Variants in MKLN1 observed in about 807,000 individuals in gnomAD.
MKLN1 encodes muskelin.
Under a neutral mutation model 99.0 loss-of-function variants are expected in MKLN1, and 18 were observed. That is an observed-to-expected ratio of 0.18 (90% CI 0.13 to 0.27). The LOEUF (loss-of-function observed/expected upper bound fraction) is 0.27, where lower values mean the gene tolerates loss of function less well. Among genes scored for constraint, MKLN1 ranks in the 10% least tolerant of loss-of-function variants. The probability of loss-of-function intolerance (pLI) is 1.00; values close to 1 mark genes in which losing one functional copy is unlikely to be tolerated. For synonymous variants in MKLN1, 288 were observed against 293.2 expected (o/e 0.98, Z 0.18); for missense variants, 621 against 875.9 (o/e 0.71, Z 3.67).
intron 3 of MKLN1, among the ~76,000 whole-genome samples, chr7:131,267,544 T>C (rs1413317014): frequency 6.6e-6 from 1 of 152,150 alleles, no homozygotes; most frequent in Non-Finnish European, 1.5e-5. Context: ...TTACTAGAAC[T>C]GTGGTCCCAG....
Position 131,493,987 on chromosome 7 carries a change from C to T in MKLN1, c.*6259C>T, listed in dbSNP as rs576670200. The T allele has an allele frequency of 6.6e-6, 1 of 152,304 alleles. No homozygotes were observed. Among genetic ancestry groups the T allele is most frequent in the East Asian group, 1.9e-4 (1 of 5,182 alleles). The allele number at this position is 152,304 out of a possible 1,614,324, so 9.4% of individuals were successfully genotyped here. The stretch of plus-strand genomic sequence containing the variant: ...AAGCCAATTTTGAGCTTTATTTCTC[C>T]GTTGTTAACAAATCTCAAGAAAGCC... On this transcript the variant is annotated 3_prime_UTR_variant, in exon 18 of 18. Transcript: ENST00000352689.
Position 131,206,656 on chromosome 7 carries a change from A to G in MKLN1, c.-179+3682A>G, listed in dbSNP as rs1417057986. Reference sequence around the variant, plus strand: ...CTGCAACCTCAAACTCCTGGGTTCAAGCAATCTTCTTGCTTCAGCCTCCAG... The same window carrying G: ...CTGCAACCTCAAACTCCTGGGTTCAGGCAATCTTCTTGCTTCAGCCTCCAG... On this transcript the variant is annotated intron_variant, in intron 3 of 7. Transcript: ENST00000416992. 2.0e-5 allele frequency among the ~76,000 whole-genome samples: 3 copies of G among 151,770 alleles called. No homozygotes were observed. The East Asian group carries it at 5.8e-4, about 29-fold the overall frequency.
intron 2 of MKLN1, among the ~76,000 whole-genome samples, chr7:131,376,279 A>G (rs1232080695): frequency 1.3e-5 from 2 of 149,856 alleles, no homozygotes; most frequent in Non-Finnish European, 3.0e-5. Context: ...TGTCTGGTGC[A>G]TAAGGAGGCG....
At chr7:131,467,910 G>A (rs151105672) in intron 15 of MKLN1, among the ~76,000 whole-genome samples, 2 of 152,318 alleles carry the variant, frequency 1.3e-5, no homozygotes, top group Non-Finnish European at 2.9e-5. Flanking sequence ...CTTTAGGTTT[G>A]AGAAGTCTGT....
At chr7:131,316,389 A>G (rs567610244) in intron 3 of MKLN1, among the ~76,000 whole-genome samples, 25 of 152,352 alleles carry the variant, frequency 1.6e-4, no homozygotes, top group South Asian at 1.0e-3. Flanking sequence ...AAACTAACAA[A>G]CAGAAAGCAA....
In MKLN1 at chr7:131,173,057, T is replaced by C. The variant is rs565199813; in HGVS notation, c.-296-29800T>C. Among the ~76,000 whole-genome samples, 9 of 152,240 alleles carry C rather than the reference T, an allele frequency of 5.9e-5. No homozygotes were observed. The South Asian group carries it at 1.0e-3, about 18-fold the overall frequency. On this transcript the variant is annotated intron_variant, in intron 2 of 7. Transcript: ENST00000416992. ...TGAATATGTGTTTTCCTTGAATGAA[T>C]TGACAAAAATCAATATTTTCTTTAA...
chr7:131,331,951 A>C (rs1005462280), intron 1 of MKLN1, among the ~76,000 whole-genome samples: 1 of 152,186 alleles, frequency 6.6e-6, no homozygotes, highest in Non-Finnish European at 1.5e-5. Context: ...AAAATCTGAT[A>C]GATTTTTAAG....
chr7:131,470,716 A>C (rs1796795006), intron 15 of MKLN1, 126 bp from the exon 16 acceptor site: 1 of 665,980 alleles, frequency 1.5e-6, no homozygotes, highest in Non-Finnish European at 2.6e-6. Flanking sequence ...TCCTAAACTG[A>C]CATTTTCTAA....
chr7:131,150,088 G>A (rs372231682), intron 2 of MKLN1, among the ~76,000 whole-genome samples: 23 of 151,878 alleles, frequency 1.5e-4, no homozygotes, highest in East Asian at 3.8e-4. Flanking sequence ...ACTTGTTTTC[G>A]CAACTAGATA....
At chr7:131,322,774 G>C (rs1227596730) in intron 3 of MKLN1, among the ~76,000 whole-genome samples, 1 of 151,454 alleles carries the variant, frequency 6.6e-6, no homozygotes, top group Non-Finnish European at 1.5e-5. Flanking sequence ...GTTTCACCTT[G>C]TTAGCCAGGA....
At chr7:131,286,368 T>C (rs1798132609) in intron 3 of MKLN1, among the ~76,000 whole-genome samples, 1 of 152,210 alleles carries the variant, frequency 6.6e-6, no homozygotes, top group African/African-American at 2.4e-5. Flanking sequence ...TGCCTTTTCC[T>C]TTGTGGGGTG....
chr7:131,355,627 A>G (rs1448517052), intron 1 of MKLN1, among the ~76,000 whole-genome samples: 1 of 83,154 alleles, frequency 1.2e-5, no homozygotes, highest in Non-Finnish European at 2.4e-5. Context: ...TTAACTTGAT[A>G]CTATATATAT....
At chr7:131,156,416 C>G (rs1795965230) in intron 2 of MKLN1, among the ~76,000 whole-genome samples, 1 of 140,626 alleles carries the variant, frequency 7.1e-6, no homozygotes, top group Non-Finnish European at 1.5e-5. Context: ...CCACTGCACT[C>G]CAGCCTGGGT....
chr7:131,275,568 T>TATATATATATATA (rs1491144880), intron 3 of MKLN1, among the ~76,000 whole-genome samples: 3 of 14,826 alleles, frequency 2.0e-4, no homozygotes, highest in African/African-American at 4.0e-4. Context: ...TATATATATA[T>TATATATATATATA]TTTTTTTTTT....
intron 3 of MKLN1, among the ~76,000 whole-genome samples, chr7:131,224,375 A>G (rs1797107162): frequency 7.8e-6 from 1 of 128,752 alleles, no homozygotes; most frequent in African/African-American, 2.7e-5. Context: ...GCGAAACCCC[A>G]TCTCTACTAA....
At chr7:131,145,293 A>G (rs964578564) in intron 2 of MKLN1, among the ~76,000 whole-genome samples, 6 of 152,340 alleles carry the variant, frequency 3.9e-5, no homozygotes, top group African/African-American at 1.4e-4. Context: ...CGAATTGTAC[A>G]GGTACTGAGT....
At chr7:131,128,942 T>C (rs1479780612) in intron 1 of MKLN1, among the ~76,000 whole-genome samples, 1 of 149,144 alleles carries the variant, frequency 6.7e-6, no homozygotes, top group African/African-American at 2.5e-5. Context: ...TCTTGCTCTG[T>C]TGCCCAAGCT....
At chr7:131,473,805 GAGAAAGACA>G (rs1796893197) in intron 16 of MKLN1, among the ~76,000 whole-genome samples, 1 of 152,144 alleles carries the variant, frequency 6.6e-6, no homozygotes, top group South Asian at 2.1e-4. Flanking sequence ...CATTTTAGTG[GAGAAAGACA>G]ATAAACATTA....
Position 131,285,957 on chromosome 7 carries a change from C to CTT in MKLN1, c.-179+82998_-179+82999dup, listed in dbSNP as rs1554546958. Among the ~76,000 whole-genome samples, 1,075 of 117,742 alleles carry CTT rather than the reference C, an allele frequency of 9.1e-3. 23 individuals carry two copies. Among genetic ancestry groups the CTT allele is most frequent in the African/African-American group, 0.031 (1,002 of 31,848 alleles). The allele number at this position is 117,742 out of a possible 152,430, so 77.2% of individuals were successfully genotyped here. On this transcript the variant is annotated intron_variant, in intron 3 of 7. Coordinates refer to the MKLN1 transcript ENST00000416992. ...CGTGTGTTTCCTCAGCATCTATGGA[C>CTT]TTTTTTTTTTTTTTTTGAGACACAG...
Sources: gnomAD v4.1 joint callset for allele counts (sites outside exome capture counted in the v4.1 genomes callset) on GRCh38, gnomAD v4.1.1 for gene constraint, MANE v1.5 for transcripts, NCBI Gene and HGNC (gene_info 2026-07-23, HGNC 2026-07-21) for gene names.